CDH9: variants seen among roughly 807,000 people sequenced by gnomAD.
CDH9 encodes cadherin-9.
In CDH9, 28 loss-of-function variants were observed where a neutral mutation model predicts 70.9. The observed-to-expected ratio is 0.40, with a 90% CI of 0.29 to 0.54. The LOEUF is 0.54. Ranked by LOEUF, CDH9 falls within the 20% of genes least tolerant of loss-of-function variation. The probability of loss-of-function intolerance (pLI) is 0.59; values close to 1 mark genes in which losing one functional copy is unlikely to be tolerated. For synonymous variants in CDH9, 409 were observed against 343.1 expected (o/e 1.19, Z -2.12); for missense variants, 874 against 984.4 (o/e 0.89, Z 1.50).
chr5:26,934,801 T>C (rs926902191), intron 2 of CDH9, among the ~76,000 whole-genome samples: 1 of 151,902 alleles, frequency 6.6e-6, no homozygotes, highest in Non-Finnish European at 1.5e-5. Context: ...ATGGCTGCAA[T>C]GGTGAATTCT....
chr5:26,915,744 G>T lies in CDH9; in HGVS notation c.409C>A (p.Arg137=). 5.0e-6 allele frequency: 8 copies of T among 1,613,370 alleles called. No homozygotes were observed. Among genetic ancestry groups the T allele is most frequent in the Non-Finnish European group, 6.8e-6 (8 of 1,179,472 alleles). Residue 137 remains arginine, a synonymous_variant, in exon 3 of 12, where the codon CGG becomes AGG. Transcript: ENST00000231021. The part of the protein sequence containing the change: ...RAKAIDRKTG[R]QVEPESEFII... ...AATTCCGATTCCGGTTCCACCTGCC[G>T]CCCAGTTTTTCTGTCTATAGCCTTG...
chr5:26,915,948 G>A (rs780005903), intron 2 of CDH9, 24 bp from the exon 3 acceptor site: 3 of 1,515,632 alleles, frequency 2.0e-6, no homozygotes, highest in South Asian at 2.4e-5. Context: ...GAAAAGAAGA[G>A]TTCTGTAAAT....
intron 2 of CDH9, among the ~76,000 whole-genome samples, chr5:26,970,384 A>G (rs1019222726): frequency 5.3e-5 from 8 of 152,046 alleles, no homozygotes. Flanking sequence ...GTAAAGAATA[A>G]TCCTATTAGG....
chr5:26,917,152 C>G (rs1741164198), intron 2 of CDH9, among the ~76,000 whole-genome samples: 1 of 151,860 alleles, frequency 6.6e-6, no homozygotes, highest in Non-Finnish European at 1.5e-5. Flanking sequence ...ATTGTTTTAT[C>G]ATAAAATTAT....
intron 2 of CDH9, among the ~76,000 whole-genome samples, chr5:26,942,129 C>T (rs1741672457): frequency 6.6e-6 from 1 of 152,172 alleles, no homozygotes; most frequent in African/African-American, 2.4e-5. Flanking sequence ...GAAACACAAT[C>T]ATGGTGGAAG....
chr5:26,948,639 T>A (rs887450865), intron 2 of CDH9, among the ~76,000 whole-genome samples: 1 of 152,214 alleles, frequency 6.6e-6, no homozygotes, highest in Admixed American at 6.5e-5. Flanking sequence ...CATGTATATA[T>A]GTTTTCTACT....
chr5:26,950,111 C>G (rs1169538550), intron 2 of CDH9, among the ~76,000 whole-genome samples: 1 of 152,116 alleles, frequency 6.6e-6, no homozygotes. Context: ...TCTTCCCCAT[C>G]ATGCAACTGG....
At position 26,889,953 on chromosome 5, in the gene CDH9, G is replaced by C; in HGVS notation, c.1395C>G (p.Asn465Lys). The change falls in exon 9 of 12, where the codon AAC becomes AAG. Residue 465 changes from asparagine to lysine, a missense_variant. Physicochemically the swap from Asn to Lys is moderately conservative, Grantham distance 94. Coordinates refer to ENST00000231021, the MANE Select transcript of CDH9 (RefSeq NM_016279.4). ...CAGGGATGTGGCTACTTTGTTTTGG[G>C]TTATCTGCAACGAGAACACGTGTAA... ...NITVTATEIN[N>K]PKQSSHIPVF... 1 of 1,608,704 alleles carries C rather than the reference G, an allele frequency of 6.2e-7. No individual in the cohort carries two copies. The highest frequency in any genetic ancestry group is 8.5e-7 in the Non-Finnish European group (1 of 1,177,656).
At chr5:26,957,455 A>G (rs902237857) in intron 2 of CDH9, among the ~76,000 whole-genome samples, 18 of 152,086 alleles carry the variant, frequency 1.2e-4, no homozygotes, top group African/African-American at 4.3e-4. Flanking sequence ...TGAGGTCAGG[A>G]GTTCCAGACA....
In CDH9 at chr5:26,906,849, C is replaced by T. The variant is rs375653441; in HGVS notation, c.524-11G>A. The T allele has an allele frequency of 1.9e-6, 3 of 1,591,670 alleles. No homozygotes were observed. The highest frequency in any genetic ancestry group is 2.7e-5 in the African/African-American group (2 of 74,460). On this transcript the variant is annotated splice_polypyrimidine_tract_variant and intron_variant, in intron 3 of 11. Coordinates refer to ENST00000231021, the MANE Select transcript of CDH9 (RefSeq NM_016279.4). ...GTATAACAGATGTACCTACATGAAA[C>T]CCCCATCCCCAAACAGAGACATTTA...
chr5:26,883,211 G>T (rs1020189427), intron 11 of CDH9, among the ~76,000 whole-genome samples: 1 of 150,042 alleles, frequency 6.7e-6, no homozygotes, highest in African/African-American at 2.4e-5. Flanking sequence ...TAGAAAAAGA[G>T]ATTTCTTTCT....
chr5:26,910,759 A>C (rs539133316), intron 3 of CDH9, among the ~76,000 whole-genome samples: 1 of 152,348 alleles, frequency 6.6e-6, no homozygotes, highest in East Asian at 1.9e-4. Context: ...AACGAAAGTT[A>C]CAGAAAGTGA....
At chr5:26,965,587 T>C (rs1742115427) in intron 2 of CDH9, among the ~76,000 whole-genome samples, 1 of 149,278 alleles carries the variant, frequency 6.7e-6, no homozygotes, top group African/African-American at 2.5e-5. Flanking sequence ...ATAATAATAA[T>C]AATAATAATA....
chr5:26,941,444 T>A (rs1741660731), intron 2 of CDH9, among the ~76,000 whole-genome samples: 1 of 152,202 alleles, frequency 6.6e-6, no homozygotes, highest in Non-Finnish European at 1.5e-5. Flanking sequence ...GGAGTCAATG[T>A]CTCTGTCATC....
At chr5:26,925,451 C>T (rs1741320770) in intron 2 of CDH9, among the ~76,000 whole-genome samples, 1 of 151,968 alleles carries the variant, frequency 6.6e-6, no homozygotes, top group South Asian at 2.1e-4. Context: ...AGATATCAGC[C>T]CTTTGTCAGA....
At chr5:26,981,855 C>T (rs1307923777) in intron 2 of CDH9, among the ~76,000 whole-genome samples, 1 of 149,376 alleles carries the variant, frequency 6.7e-6, no homozygotes, top group Non-Finnish European at 1.5e-5. Flanking sequence ...TTAGTGAAAT[C>T]ATTATAAATA....
chr5:26,882,235 T>C (rs1209442714), intron 11 of CDH9, among the ~76,000 whole-genome samples: 1 of 152,072 alleles, frequency 6.6e-6, no homozygotes, highest in Non-Finnish European at 1.5e-5. Context: ...AATATAACTC[T>C]AAAAGTTACA....
chr5:27,026,624 A>G (rs555386001), intron 1 of CDH9, among the ~76,000 whole-genome samples: 223 of 152,146 alleles, frequency 1.5e-3, no homozygotes, highest in Non-Finnish European at 2.5e-3. Flanking sequence ...CTGCTACAAT[A>G]TTAGCACCCA....
chr5:27,003,581 C>T (rs1193372896), intron 1 of CDH9, among the ~76,000 whole-genome samples: 4 of 152,032 alleles, frequency 2.6e-5, no homozygotes, highest in African/African-American at 9.7e-5. Context: ...TCACCCCAGA[C>T]CCATGAGCTC....
Sources: allele counts gnomAD v4.1 joint callset (sites outside exome capture counted in the v4.1 genomes callset), GRCh38; gene constraint gnomAD v4.1.1; transcripts MANE v1.5; gene names NCBI Gene and HGNC (gene_info 2026-07-23, HGNC 2026-07-21).